The following RYR3 variants were observed in gnomAD, a reference collection of about 807,000 sequenced individuals.
RYR3 encodes the protein brain ryanodine receptor-calcium release channel.
In RYR3, 207 loss-of-function variants were observed where a neutral mutation model predicts 584.3. That is an observed-to-expected ratio of 0.35 (90% CI 0.32 to 0.40). The LOEUF (loss-of-function observed/expected upper bound fraction) is 0.40, where lower values mean the gene tolerates loss of function less well. Among genes scored for constraint, RYR3 ranks in the 10% least tolerant of loss-of-function variants. The pLI is 1.00. For missense variants in RYR3, 5,616 were observed against 6,089.2 expected (o/e 0.92, Z 2.59); for synonymous variants, 2,416 against 2,248.5 (o/e 1.07, Z -2.11).
intron 99 of RYR3, chr15:33,858,170 G>A (rs577905075): frequency 6.2e-5 from 27 of 432,792 alleles, no homozygotes; most frequent in Admixed American, 7.7e-5. Flanking sequence ...GCACAGTGGC[G>A]TCATCATTCA....
intron 16 of RYR3, among the ~76,000 whole-genome samples, chr15:33,588,165 C>T (rs1323993749): frequency 6.6e-6 from 1 of 152,138 alleles, no homozygotes; most frequent in East Asian, 1.9e-4. Flanking sequence ...GTTCTCATTA[C>T]GACCTTATGA....
intron 1 of RYR3, among the ~76,000 whole-genome samples, chr15:33,322,775 A>G (rs1969143482): frequency 6.6e-6 from 1 of 151,926 alleles, no homozygotes; most frequent in Admixed American, 6.6e-5. Flanking sequence ...CTTAAAGTCG[A>G]TGGTTTCTCT....
rs142394067 is a variant in RYR3, at chr15:33,659,161, T to C, written c.4309-559T>C. ...ATGCCGCTCAACATCCTACAGTGCA[T>C]GGGATGGCGCCCACCGCAAAAAGCT... On this transcript the variant is annotated intron_variant, in intron 32 of 103. Transcript: ENST00000634891. Among the ~76,000 whole-genome samples the C allele has an allele frequency of 9.5e-4, 145 of 152,310 alleles. 1 individual carries two copies. The highest frequency in any genetic ancestry group is 3.4e-3 in the African/African-American group (141 of 41,564).
Position 33,635,675 on chromosome 15 carries a change from T to C in RYR3, c.3237T>C (p.Ser1079=). The C allele has an allele frequency of 6.2e-7, 1 of 1,614,020 alleles. No individual in the cohort carries two copies. Among genetic ancestry groups the C allele is most frequent in the Non-Finnish European group, 8.5e-7 (1 of 1,179,900 alleles). The change falls in exon 26 of 104, where the codon TCT becomes TCC. Residue 1079 remains serine, a synonymous_variant. Transcript: ENST00000634891. ...TCCGATTTTTCCGGGTAGAGCGATCTTATGCAGTGAGATCTGGAAAGTGGT... is the reference window on the plus strand; with the variant it reads ...TCCGATTTTTCCGGGTAGAGCGATCCTATGCAGTGAGATCTGGAAAGTGGT... ...DKIRFFRVER[S]YAVRSGKWYF...
At chr15:33,440,946 G>T (rs1320761791) in intron 1 of RYR3, among the ~76,000 whole-genome samples, 1 of 152,246 alleles carries the variant, frequency 6.6e-6, no homozygotes, top group Non-Finnish European at 1.5e-5. Flanking sequence ...TTTGGGAGCA[G>T]TAAGACTCTC....
At position 33,662,465 on chromosome 15, in the gene RYR3, C is replaced by A. The variant is rs755738535; in HGVS notation, c.4935C>A (p.Asp1645Glu). 7.4e-6 allele frequency: 12 copies of A among 1,614,012 alleles called. No individual in the cohort carries two copies. Among genetic ancestry groups the A allele is most frequent in the Non-Finnish European group, 1.0e-5 (12 of 1,179,878 alleles). The part of the protein sequence containing the change: ...STTRNIRLFP[D>E]ESKRHGLPGV... ...CCAGGAATATCCGCCTCTTCCCGGA[C>A]GAGTCCAAGAGGCATGGACTGCCTG... Residue 1645 changes from aspartate to glutamate, a missense_variant, in exon 35 of 104, where the codon GAC becomes GAA. By Grantham distance (45) the Asp-to-Glu change is conservative. Transcript: ENST00000634891.
At chr15:33,557,002 C>A (rs1181008325) in intron 10 of RYR3, among the ~76,000 whole-genome samples, 1 of 152,162 alleles carries the variant, frequency 6.6e-6, no homozygotes, top group African/African-American at 2.4e-5. Flanking sequence ...TCATGTTAAC[C>A]TTTAAGCAAC....
At chr15:33,479,570 C>T (rs1450397409) in intron 2 of RYR3, among the ~76,000 whole-genome samples, 2 of 149,734 alleles carry the variant, frequency 1.3e-5, no homozygotes, top group South Asian at 2.1e-4. Context: ...TTCATTTACT[C>T]TTTATGACTC....
intron 67 of RYR3, among the ~76,000 whole-genome samples, chr15:33,795,760 A>G (rs989322665): frequency 6.6e-6 from 1 of 151,996 alleles, no homozygotes; most frequent in African/African-American, 2.4e-5. Flanking sequence ...CGAACTCGTG[A>G]CCTCAGGTGA....
chr15:33,859,087 G>C (rs577226732), intron 99 of RYR3: 2 of 154,686 alleles, frequency 1.3e-5, no homozygotes, highest in Admixed American at 6.4e-5. Context: ...GCCTAGATTG[G>C]CTCAAACCTG....
chr15:33,627,545 G>C (rs571564397), intron 20 of RYR3, among the ~76,000 whole-genome samples: 7 of 152,304 alleles, frequency 4.6e-5, no homozygotes, highest in Non-Finnish European at 7.3e-5. Flanking sequence ...GGTTAAGGTT[G>C]CATATGCAAG....
At position 33,623,369 on chromosome 15, in the gene RYR3, C is replaced by G. The variant is rs74377037; in HGVS notation, c.2358-438C>G. 5.9e-5 allele frequency among the ~76,000 whole-genome samples: 9 copies of G among 152,286 alleles called. No homozygotes were observed. In the East Asian group the frequency reaches 1.7e-3, roughly 29 times the overall value. ...TTTTAATACTTTCTCCATATAGTTA[C>G]GTCATGCTTTCTTTAACTGATGTGT... On this transcript the variant is annotated intron_variant, in intron 19 of 103. Transcript: ENST00000634891.
intron 36 of RYR3, 76 bp from the exon 37 acceptor site, chr15:33,669,278 T>C: frequency 9.2e-7 from 1 of 1,082,300 alleles, no homozygotes; most frequent in Admixed American, 2.1e-5. Context: ...AATGTAAGTG[T>C]CTGTCTAAGG....
Position 33,585,030 on chromosome 15 carries a change from T to C in RYR3, c.1669+540T>C, listed in dbSNP as rs183310955. Among the ~76,000 whole-genome samples, 6 of 152,200 alleles carry C rather than the reference T, an allele frequency of 3.9e-5. No homozygotes were observed. The East Asian group carries it at 7.7e-4, about 20-fold the overall frequency. ...ATCTGAGCCAAGAGTGTGGTCATCA[T>C]TGGGAAGTGACCATGCTGCAGGGCT... On this transcript the variant is annotated intron_variant, in intron 15 of 103. Coordinates refer to ENST00000634891, the MANE Select transcript of RYR3 (RefSeq NM_001036.6).
chr15:33,845,202 C>T (rs2078641779), intron 93 of RYR3, 140 bp downstream of exon 93: 3 of 740,782 alleles, frequency 4.0e-6, no homozygotes, highest in Non-Finnish European at 4.4e-6. Flanking sequence ...CAGCACATCA[C>T]TTGGGAGCTG....
chr15:33,823,337 T>C (rs2077207500), intron 81 of RYR3, among the ~76,000 whole-genome samples: 1 of 152,184 alleles, frequency 6.6e-6, no homozygotes, highest in South Asian at 2.1e-4. Context: ...CTTCCTTACC[T>C]CCACGTTTAT....
Position 33,347,342 on chromosome 15 carries a change from C to T in RYR3, c.51+36246C>T, listed in dbSNP as rs142958201. 3.3e-4 allele frequency among the ~76,000 whole-genome samples: 50 copies of T among 152,200 alleles called. No homozygotes were observed. The East Asian group carries it at 7.9e-3, about 24-fold the overall frequency. On this transcript the variant is annotated intron_variant, in intron 1 of 103. Transcript: ENST00000634891. ...AATTTATTCAATCATTGATTTATAT[C>T]ATGAATGTAAATAAATGGAATCATG... is the stretch of plus-strand genomic sequence containing the variant.
In RYR3 at chr15:33,817,679, A is replaced by G. The variant is rs143246412; in HGVS notation, c.10599+721A>G. 5.7e-3 allele frequency among the ~76,000 whole-genome samples: 864 copies of G among 151,992 alleles called. 5 individuals carry two copies. The highest frequency in any genetic ancestry group is 0.02 in the Middle Eastern group (6 of 294). On this transcript the variant is annotated intron_variant, in intron 75 of 103. Transcript: ENST00000634891. Reference sequence around the variant, plus strand: ...CTCTGTTTCTTTCCTTCTTTTTTAAAGCCTTTTCCTATTGTTTTCTTTCCC... The same window carrying G: ...CTCTGTTTCTTTCCTTCTTTTTTAAGGCCTTTTCCTATTGTTTTCTTTCCC...
intron 1 of RYR3, among the ~76,000 whole-genome samples, chr15:33,334,282 T>C (rs970174870): frequency 2.2e-4 from 34 of 152,142 alleles, no homozygotes; most frequent in Admixed American, 2.2e-3. Context: ...CTTCAAACTA[T>C]ACTAAAAGGC....
Sources: allele counts gnomAD v4.1 joint callset (sites outside exome capture counted in the v4.1 genomes callset), GRCh38; gene constraint gnomAD v4.1.1; transcripts MANE v1.5; gene names NCBI Gene and HGNC (gene_info 2026-07-23, HGNC 2026-07-21).